AMPH: variants seen among roughly 807,000 people sequenced by gnomAD.
The protein encoded by AMPH is amphiphysin, also known as amphiphysin (Stiff-Mann syndrome with breast cancer 128kD autoantigen).
In AMPH, 49 loss-of-function variants were observed where a neutral mutation model predicts 99.1. The ratio of observed to expected loss-of-function variants is 0.49; its 90% CI spans 0.39 to 0.63. AMPH has a LOEUF of 0.63. Among genes scored for constraint, AMPH ranks in the 20% least tolerant of loss-of-function variants. The pLI is 0.00. For synonymous variants in AMPH, 314 were observed against 317.3 expected (o/e 0.99, Z 0.11); for missense variants, 759 against 863.4 (o/e 0.88, Z 1.52).
chr7:38,384,839 G>A lies in AMPH; in HGVS notation c.2067C>T (p.Asn689=). 1 of 1,614,012 alleles carries A rather than the reference G, an allele frequency of 6.2e-7. No homozygotes were observed. The highest frequency in any genetic ancestry group is 1.3e-5 in the African/African-American group (1 of 75,034). ...LATYKGLFPE[N]FTRRLD is the part of the protein sequence containing the mutation. ...TGCCCTAATCTAAGCGTCGGGTGAAGTTCTCTGGAAAGAGGCCTTTGTAGG... is the reference window on the plus strand; with the variant it reads ...TGCCCTAATCTAAGCGTCGGGTGAAATTCTCTGGAAAGAGGCCTTTGTAGG... The change falls in exon 21 of 21, where the codon AAC becomes AAT. Residue 689 remains asparagine, a synonymous_variant. Coordinates refer to ENST00000356264, the MANE Select transcript of AMPH (RefSeq NM_001635.4).
chr7:38,536,739 G>C (rs1236304219), intron 1 of AMPH, among the ~76,000 whole-genome samples: 1 of 151,894 alleles, frequency 6.6e-6, no homozygotes, highest in Admixed American at 6.6e-5. Context: ...CAGGAATCTA[G>C]TATCATAAAT....
intron 16 of AMPH, among the ~76,000 whole-genome samples, chr7:38,419,554 C>G (rs533989997): frequency 6.6e-6 from 1 of 152,146 alleles, no homozygotes; most frequent in African/African-American, 2.4e-5. Flanking sequence ...AAAAATACTT[C>G]ACTTTTATTG....
chr7:38,392,063 C>T, intron 18 of AMPH, 46 bp from the exon 19 acceptor site: 1 of 1,588,010 alleles, frequency 6.3e-7, no homozygotes, highest in Middle Eastern at 2.3e-4. Flanking sequence ...GCCTGGAAAA[C>T]AGAACCTCCT....
rs369460080 is a variant in AMPH at position 38,582,745 on chromosome 7, T to G, written c.70-47734A>C. ...AGACAGACATGCATGCATATACTTA[T>G]AGCAAAGCTTTAGCCTCAGAAGTCA... On this transcript the variant is annotated intron_variant, in intron 1 of 20. Transcript: ENST00000356264. Among the ~76,000 whole-genome samples the G allele has an allele frequency of 7.9e-4, 121 of 152,308 alleles. 1 individual carries two copies. The South Asian group carries it at 0.023, about 29-fold the overall frequency.
At chr7:38,530,711 T>C (rs1158311526) in intron 2 of AMPH, among the ~76,000 whole-genome samples, 1 of 152,216 alleles carries the variant, frequency 6.6e-6, no homozygotes, top group Non-Finnish European at 1.5e-5. Flanking sequence ...TGGGACCTTT[T>C]TTTCTGCTCA....
chr7:38,620,411 T>C (rs1412291273), intron 1 of AMPH, among the ~76,000 whole-genome samples: 2 of 150,692 alleles, frequency 1.3e-5, no homozygotes, highest in Admixed American at 1.3e-4. Context: ...AGATGTTTCA[T>C]ATATTGAGGA....
intron 1 of AMPH, among the ~76,000 whole-genome samples, chr7:38,619,281 A>C (rs1793974866): frequency 6.6e-6 from 1 of 152,214 alleles, no homozygotes; most frequent in South Asian, 2.1e-4. Flanking sequence ...AATGGACTTT[A>C]AGACAAAAGT....
At chr7:38,612,446 A>T (rs1259109400) in intron 1 of AMPH, among the ~76,000 whole-genome samples, 1 of 152,134 alleles carries the variant, frequency 6.6e-6, no homozygotes, top group Non-Finnish European at 1.5e-5. Flanking sequence ...TGGAGCTTCA[A>T]TAGAGGGCAA....
At chr7:38,386,746 T>C (rs1216488069) in intron 20 of AMPH, among the ~76,000 whole-genome samples, 1 of 152,164 alleles carries the variant, frequency 6.6e-6, no homozygotes, top group Non-Finnish European at 1.5e-5. Flanking sequence ...TATAATGGGA[T>C]GGGTATAAAT....
At chr7:38,563,022 A>G (rs1473014616) in intron 1 of AMPH, among the ~76,000 whole-genome samples, 1 of 152,224 alleles carries the variant, frequency 6.6e-6, no homozygotes, top group African/African-American at 2.4e-5. Flanking sequence ...CCAATTGTTA[A>G]GCATGTTATG....
chr7:38,494,330 T>C (rs1788842355), intron 4 of AMPH, 103 bp downstream of exon 4: 3 of 972,294 alleles, frequency 3.1e-6, no homozygotes, highest in Non-Finnish European at 5.0e-6. Context: ...GAGCACACTG[T>C]CTTGCCTCAT....
At chr7:38,454,002 A>G (rs4723756) in intron 11 of AMPH, among the ~76,000 whole-genome samples, 119,799 of 152,208 alleles carry the variant, frequency 0.79, 47,393 homozygotes, top group East Asian at 0.96. Flanking sequence ...ATCCTTTGGC[A>G]CTAAGACAGC....
chr7:38,592,621 C>T (rs2129058516), intron 1 of AMPH, among the ~76,000 whole-genome samples: 1 of 151,764 alleles, frequency 6.6e-6, no homozygotes, highest in Middle Eastern at 3.4e-3. Flanking sequence ...GTCCCAGCTA[C>T]TTGGGAGGCT....
intron 3 of AMPH, among the ~76,000 whole-genome samples, chr7:38,500,994 A>T (rs193183021): frequency 6.6e-6 from 1 of 152,208 alleles, no homozygotes; most frequent in Non-Finnish European, 1.5e-5. Context: ...GTAGGTTGCC[A>T]TTATTCCATT....
At chr7:38,552,709 A>T (rs904089379) in intron 1 of AMPH, among the ~76,000 whole-genome samples, 1 of 152,210 alleles carries the variant, frequency 6.6e-6, no homozygotes, top group Non-Finnish European at 1.5e-5. Context: ...AAATAATTCA[A>T]TATCAGCCAG....
At chr7:38,426,750 G>GCA (rs554178165) in intron 15 of AMPH, among the ~76,000 whole-genome samples, 196 of 152,322 alleles carry the variant, frequency 1.3e-3, no homozygotes, top group African/African-American at 4.4e-3. Flanking sequence ...ACACTCTGTT[G>GCA]CATAGCTCAT....
intron 12 of AMPH, among the ~76,000 whole-genome samples, chr7:38,433,724 C>CAAAAAAAAAAAAAAA (rs570503359): frequency 4.1e-4 from 22 of 53,188 alleles, no homozygotes; most frequent in African/African-American, 1.7e-3. Context: ...GACTCCGTCT[C>CAAAAAAAAAAAAAAA]AAAAAAAAAA....
intron 2 of AMPH, among the ~76,000 whole-genome samples, chr7:38,533,752 C>A (rs1286282987): frequency 1.3e-5 from 2 of 152,180 alleles, no homozygotes; most frequent in African/African-American, 4.8e-5. Flanking sequence ...TTGTTCCCCA[C>A]ATAATCTGAC....
chr7:38,523,363 A>G (rs1435669961), intron 2 of AMPH, among the ~76,000 whole-genome samples: 1 of 152,230 alleles, frequency 6.6e-6, no homozygotes, highest in Non-Finnish European at 1.5e-5. Context: ...AGTCTCCACC[A>G]AAAGAAACCA....
Sources: gnomAD v4.1 joint callset for allele counts (sites outside exome capture counted in the v4.1 genomes callset) on GRCh38, gnomAD v4.1.1 for gene constraint, MANE v1.5 for transcripts, NCBI Gene and HGNC (gene_info 2026-07-23, HGNC 2026-07-21) for gene names.